Variants in ARL15 observed in about 807,000 individuals in gnomAD.
The protein encoded by ARL15 is ARF like GTPase 15.
Under a neutral mutation model 25.2 loss-of-function variants are expected in ARL15, and 19 were observed. The ratio of observed to expected loss-of-function variants is 0.75; its 90% confidence interval spans 0.53 to 1.10. ARL15 has a LOEUF of 1.10. Among genes scored for constraint, ARL15 ranks in the 50% least tolerant of loss-of-function variants. The probability of loss-of-function intolerance (pLI) is 0.00; values close to 1 mark genes in which losing one functional copy is unlikely to be tolerated. For synonymous variants in ARL15, 94 were observed against 86.8 expected (o/e 1.08, Z -0.46); for missense variants, 220 against 246.0 (o/e 0.89, Z 0.71).
intron 2 of ARL15, among the ~76,000 whole-genome samples, chr5:54,163,103 C>A (rs1339516998): frequency 6.6e-6 from 1 of 151,912 alleles, no homozygotes; most frequent in Non-Finnish European, 1.5e-5. Flanking sequence ...TAGCTTTTGT[C>A]AAAAATTGAT....
intron 1 of ARL15, among the ~76,000 whole-genome samples, chr5:54,232,902 T>C (rs900274393): frequency 2.0e-5 from 3 of 152,304 alleles, no homozygotes; most frequent in Non-Finnish European, 4.4e-5. Context: ...CCGTTTTCAA[T>C]GTGTGCATGG....
intron 4 of ARL15, among the ~76,000 whole-genome samples, chr5:54,063,255 G>A (rs948321356): frequency 2.0e-5 from 3 of 152,242 alleles, no homozygotes; most frequent in African/African-American, 7.2e-5. Context: ...GACAAGTTGA[G>A]GGATCTGTGG....
At chr5:54,282,825 T>C (rs1758093910) in intron 1 of ARL15, among the ~76,000 whole-genome samples, 1 of 152,190 alleles carries the variant, frequency 6.6e-6, no homozygotes, top group Non-Finnish European at 1.5e-5. Context: ...GACAGAAGAC[T>C]GAGATCCTTG....
intron 4 of ARL15, among the ~76,000 whole-genome samples, chr5:54,012,221 G>C (rs930627000): frequency 2.0e-5 from 3 of 152,158 alleles, no homozygotes; most frequent in African/African-American, 7.2e-5. Context: ...CTCTGAAAGA[G>C]ATGAGAGAAG....
intron 1 of ARL15, among the ~76,000 whole-genome samples, chr5:54,258,568 T>G (rs562392157): frequency 6.6e-6 from 1 of 152,240 alleles, no homozygotes; most frequent in South Asian, 2.1e-4. Flanking sequence ...TGATCCTAAT[T>G]CAACTATAAT....
chr5:54,229,482 C>T (rs138047652), intron 1 of ARL15, among the ~76,000 whole-genome samples: 66 of 151,990 alleles, frequency 4.3e-4, no homozygotes, highest in African/African-American at 1.5e-3. Context: ...TGGAGTATTA[C>T]GAAGATCTGG....
chr5:53,905,270 A>C (rs1376385286), intron 4 of ARL15, among the ~76,000 whole-genome samples: 2 of 152,142 alleles, frequency 1.3e-5, no homozygotes, highest in Non-Finnish European at 2.9e-5. Context: ...CTTTTTTGTG[A>C]CAGTCGAGTA....
At chr5:54,192,441 CAATTGTTTTAT>C (rs1755431484) in intron 1 of ARL15, among the ~76,000 whole-genome samples, 1 of 151,864 alleles carries the variant, frequency 6.6e-6, no homozygotes, top group African/African-American at 2.4e-5. Context: ...AGATTTTTTA[CAATTGTTTTAT>C]TGAATTATTT....
intron 4 of ARL15, among the ~76,000 whole-genome samples, chr5:53,905,733 G>A (rs180975080): frequency 1.6e-4 from 25 of 152,150 alleles, no homozygotes; most frequent in African/African-American, 5.1e-4. Context: ...CCAGAAAAGC[G>A]CTTAAAAACA....
intron 4 of ARL15, among the ~76,000 whole-genome samples, chr5:53,922,926 T>C (rs1745902211): frequency 6.6e-6 from 1 of 152,198 alleles, no homozygotes; most frequent in Non-Finnish European, 1.5e-5. Flanking sequence ...TAAATGCTGC[T>C]GACTGACTGA....
At chr5:53,976,739 T>C (rs1747938908) in intron 4 of ARL15, among the ~76,000 whole-genome samples, 2 of 152,290 alleles carry the variant, frequency 1.3e-5, no homozygotes, top group Admixed American at 6.5e-5. Flanking sequence ...TTCAGAAATG[T>C]CCGTTTCTAG....
intron 3 of ARL15, among the ~76,000 whole-genome samples, chr5:54,151,109 T>C (rs1179627440): frequency 1.3e-5 from 2 of 152,132 alleles, no homozygotes; most frequent in Admixed American, 6.5e-5. Context: ...TCTCTAGGCA[T>C]GAAGTTGCAA....
At chr5:53,922,051 C>T (rs1017825064) in intron 4 of ARL15, among the ~76,000 whole-genome samples, 1 of 152,208 alleles carries the variant, frequency 6.6e-6, no homozygotes, top group Non-Finnish European at 1.5e-5. Context: ...ATCTGCTCAT[C>T]AAACTACTTC....
chr5:54,054,166 C>T (rs1312814118), intron 4 of ARL15, among the ~76,000 whole-genome samples: 1 of 152,196 alleles, frequency 6.6e-6, no homozygotes, highest in Non-Finnish European at 1.5e-5. Context: ...ACTTCCGGTA[C>T]CTCGCCCCCA....
At chr5:54,183,639 T>G (rs1755131853) in intron 1 of ARL15, among the ~76,000 whole-genome samples, 1 of 151,606 alleles carries the variant, frequency 6.6e-6, no homozygotes, top group Admixed American at 6.6e-5. Flanking sequence ...GGAACACTCT[T>G]ACACTGTTGG....
intron 4 of ARL15, among the ~76,000 whole-genome samples, chr5:53,932,055 C>T (rs956832555): frequency 6.6e-6 from 1 of 152,190 alleles, no homozygotes; most frequent in Non-Finnish European, 1.5e-5. Context: ...GAAATTAGTT[C>T]ACACTTTGCT....
Position 54,310,493 on chromosome 5 carries a change from G to A in ARL15, c.-14C>T, listed in dbSNP as rs1339870279. On this transcript the variant is annotated 5_prime_UTR_variant, in exon 1 of 5. Coordinates refer to ENST00000504924, the MANE Select transcript of ARL15 (RefSeq NM_019087.3). ...GAGATCAGACATCCGGCAGCCTAAAGCATCCGGAACGGCTCCGAACCCGGA... is the reference window on the plus strand; with the variant it reads ...GAGATCAGACATCCGGCAGCCTAAAACATCCGGAACGGCTCCGAACCCGGA... 3.1e-6 allele frequency: 5 copies of A among 1,600,110 alleles called. No individual in the cohort carries two copies. In the South Asian group the frequency reaches 4.5e-5, roughly 14 times the overall value.
chr5:54,256,409 A>AG, intron 1 of ARL15, among the ~76,000 whole-genome samples: 1 of 98,934 alleles, frequency 1.0e-5, no homozygotes, highest in Non-Finnish European at 2.2e-5. Context: ...AGATCGAATC[A>AG]GTTTAAAAAA....
intron 4 of ARL15, among the ~76,000 whole-genome samples, chr5:53,989,466 C>T (rs538837282): frequency 6.6e-6 from 1 of 152,228 alleles, no homozygotes; most frequent in Non-Finnish European, 1.5e-5. Flanking sequence ...AAATGTGAGT[C>T]AATAATCACC....
Sources: gnomAD v4.1 joint callset for allele counts (sites outside exome capture counted in the v4.1 genomes callset) on GRCh38, gnomAD v4.1.1 for gene constraint, MANE v1.5 for transcripts, NCBI Gene and HGNC (gene_info 2026-07-23, HGNC 2026-07-21) for gene names.